The following INSR variants were observed in gnomAD, a reference collection of about 807,000 sequenced individuals.
The protein encoded by INSR is insulin receptor.
INSR carries 67 observed loss-of-function variants against 142.6 expected under a neutral mutation model. That is an observed-to-expected ratio of 0.47 (90% CI 0.39 to 0.58). The LOEUF (loss-of-function observed/expected upper bound fraction) is 0.58. INSR is among the 20% of genes least tolerant of loss of function. INSR has a pLI of 0.00. For synonymous variants in INSR, 756 were observed against 743.1 expected (o/e 1.02, Z -0.28); for missense variants, 1,248 against 1,833.2 (o/e 0.68, Z 5.83).
intron 1 of INSR, among the ~76,000 whole-genome samples, chr19:7,293,458 G>C (rs1968551109): frequency 6.6e-6 from 1 of 152,222 alleles, no homozygotes; most frequent in Non-Finnish European, 1.5e-5. Context: ...AAGATGACGC[G>C]TGTCGTGTCT....
At chr19:7,154,452 G>A (rs1005434677) in intron 9 of INSR, among the ~76,000 whole-genome samples, 7 of 149,270 alleles carry the variant, frequency 4.7e-5, no homozygotes, top group Non-Finnish European at 8.9e-5. Context: ...ACAGGCGGCC[G>A]CTGCCACGCC....
intron 3 of INSR, among the ~76,000 whole-genome samples, chr19:7,184,045 G>T (rs114574805): frequency 0.021 from 1,734 of 83,838 alleles, 38 homozygotes; most frequent in African/African-American, 0.079. Flanking sequence ...GGAGTCTTGC[G>T]GCAAGACTCC....
chr19:7,117,468 C>T (rs1972364415), intron 21 of INSR, 58 bp from the exon 22 acceptor site: 1 of 1,318,300 alleles, frequency 7.6e-7, no homozygotes, highest in African/African-American at 1.4e-5. Context: ...CGCATCCTCC[C>T]AAACCCCCAC....
intron 8 of INSR, 124 bp from the exon 9 acceptor site, chr19:7,163,323 G>A (rs960775439): frequency 3.0e-5 from 27 of 898,546 alleles, no homozygotes; most frequent in Admixed American, 1.1e-4. Flanking sequence ...CATTTTGGGC[G>A]GCCAAGGCAG....
intron 9 of INSR, 52 bp from the exon 10 acceptor site, chr19:7,152,979 A>T: frequency 1.8e-6 from 2 of 1,099,558 alleles, no homozygotes; most frequent in Non-Finnish European, 2.7e-6. Flanking sequence ...CTGAACACAC[A>T]TACACACACA....
chr19:7,256,675 A>G (rs1000394254), intron 2 of INSR, among the ~76,000 whole-genome samples: 2 of 149,524 alleles, frequency 1.3e-5, no homozygotes, highest in Non-Finnish European at 3.0e-5. Context: ...GAAGTAAGCC[A>G]AGATTGCGCC....
At chr19:7,290,766 AAAAAAAAAAAAG>A (rs949610866) in intron 1 of INSR, among the ~76,000 whole-genome samples, 8 of 94,272 alleles carry the variant, frequency 8.5e-5, no homozygotes, top group South Asian at 2.6e-4. Context: ...ACCCTGTCTC[AAAAAAAAAAAAG>A]AAAAAAAAAA....
chr19:7,289,376 G>A (rs1019091291), intron 1 of INSR, among the ~76,000 whole-genome samples: 1 of 150,810 alleles, frequency 6.6e-6, no homozygotes, highest in African/African-American at 2.4e-5. Context: ...GAAAAAGCAC[G>A]TGGGTAAATG....
chr19:7,120,897 G>T, intron 19 of INSR, 148 bp from the exon 20 acceptor site: 4 of 917,758 alleles, frequency 4.4e-6, no homozygotes, highest in Non-Finnish European at 7.1e-6. Context: ...AATCCAGTAA[G>T]AATGGATTCT....
At chr19:7,266,215 G>A (rs1967718490) in intron 2 of INSR, among the ~76,000 whole-genome samples, 1 of 152,054 alleles carries the variant, frequency 6.6e-6, no homozygotes, top group South Asian at 2.1e-4. Context: ...CCAAAGCTAG[G>A]AGGAGTGGCC....
chr19:7,250,636 G>A (rs923660940), intron 2 of INSR, among the ~76,000 whole-genome samples: 1 of 151,462 alleles, frequency 6.6e-6, no homozygotes, highest in Non-Finnish European at 1.5e-5. Context: ...GGAAGAAGAT[G>A]AGAGTTCGGG....
chr19:7,180,529 C>CAAAAAAAAAAAAAAAAAAAAAA (rs57184012), intron 3 of INSR, among the ~76,000 whole-genome samples: 1 of 91,930 alleles, frequency 1.1e-5, no homozygotes, highest in Non-Finnish European at 2.1e-5. Context: ...GACCTTGTCT[C>CAAAAAAAAAAAAAAAAAAAAAA]AAAAAAAAAA....
intron 9 of INSR, 136 bp downstream of exon 9, chr19:7,162,896 A>G (rs1403451404): frequency 9.2e-6 from 7 of 761,342 alleles, no homozygotes; most frequent in Non-Finnish European, 1.4e-5. Context: ...CATATGAGAT[A>G]GAATGGAGTG....
At chr19:7,157,911 A>C (rs1250644816) in intron 9 of INSR, among the ~76,000 whole-genome samples, 1 of 151,878 alleles carries the variant, frequency 6.6e-6, no homozygotes, top group Non-Finnish European at 1.5e-5. Context: ...AAAGCCTATG[A>C]GAGACTGGAA....
intron 13 of INSR, among the ~76,000 whole-genome samples, chr19:7,136,342 C>A (rs921650641): frequency 6.6e-6 from 1 of 152,026 alleles, no homozygotes; most frequent in Non-Finnish European, 1.5e-5. Context: ...CCACTGCAGA[C>A]CCTCCTTGAT....
chr19:7,184,060 C>CAAAAAAAAAAAAAAAAG (rs533682498), intron 3 of INSR, among the ~76,000 whole-genome samples: 1 of 85,152 alleles, frequency 1.2e-5, no homozygotes. Context: ...GACTCCATCT[C>CAAAAAAAAAAAAAAAAG]AAAAAAAAAA....
intron 2 of INSR, among the ~76,000 whole-genome samples, chr19:7,255,260 C>A (rs919694136): frequency 6.6e-6 from 1 of 152,228 alleles, no homozygotes; most frequent in Non-Finnish European, 1.5e-5. Context: ...GCAAGGACTT[C>A]GGGGACGCAA....
At chr19:7,185,874 A>AAG (rs941024241) in intron 2 of INSR, among the ~76,000 whole-genome samples, 172 of 132,962 alleles carry the variant, frequency 1.3e-3, no homozygotes, top group African/African-American at 4.7e-3. Context: ...GAGAGAGACA[A>AAG]AGAGAGAGAG....
At chr19:7,226,383 C>T (rs1659762081) in intron 2 of INSR, among the ~76,000 whole-genome samples, 1 of 136,456 alleles carries the variant, frequency 7.3e-6, no homozygotes, top group African/African-American at 2.7e-5. Flanking sequence ...GCACTCCAGC[C>T]TGGCAACAGA....
Sources: gnomAD v4.1 joint callset for allele counts (sites outside exome capture counted in the v4.1 genomes callset) on GRCh38, gnomAD v4.1.1 for gene constraint, MANE v1.5 for transcripts, NCBI Gene and HGNC (gene_info 2026-07-23, HGNC 2026-07-21) for gene names.